Variants in PIGZ observed in about 807,000 individuals in gnomAD.
PIGZ encodes the protein GPI alpha-1,2-mannosyltransferase 4.
PIGZ carries 16 observed loss-of-function variants against 16.4 expected under a neutral mutation model. The observed-to-expected ratio is 0.97, with a 90% CI of 0.66 to 1.48. The LOEUF (loss-of-function observed/expected upper bound fraction) is 1.48. Ranked by LOEUF, PIGZ falls within the 40% of genes most tolerant of loss-of-function variation. PIGZ has a pLI of 0.00. For synonymous variants in PIGZ, 409 were observed against 338.4 expected (o/e 1.21, Z -2.29); for missense variants, 770 against 739.2 (o/e 1.04, Z -0.48).
chr3:196,948,857 CCCTTCCTTCCCTTCCTT>C (rs1717077284), intron 2 of PIGZ, among the ~76,000 whole-genome samples, 172 bp from the exon 3 acceptor site: 1 of 118,848 alleles, frequency 8.4e-6, no homozygotes, highest in African/African-American at 3.6e-5. Flanking sequence ...CTCCTTCTTT[CCCTTCCTTCCCTTCCTT>C]CCTTCCCTTC....
chr3:196,953,897 A>G (rs1407690945), intron 1 of PIGZ, among the ~76,000 whole-genome samples: 1 of 151,770 alleles, frequency 6.6e-6, no homozygotes, highest in African/African-American at 2.4e-5. Context: ...GGAGGCTGAG[A>G]CAAGAGGATC....
chr3:196,967,934 C>G (rs1442818510), intron 1 of PIGZ, among the ~76,000 whole-genome samples: 3 of 152,154 alleles, frequency 2.0e-5, no homozygotes, highest in Non-Finnish European at 4.4e-5. Flanking sequence ...GGGGTGTTGA[C>G]GATTTTGAAA....
chr3:196,958,117 T>C (rs1376107502), intron 1 of PIGZ, among the ~76,000 whole-genome samples: 4 of 152,266 alleles, frequency 2.6e-5, no homozygotes, highest in Admixed American at 1.3e-4. Context: ...ATTACTTACA[T>C]TTTCTTCGGC....
rs558133263 is a variant in PIGZ at position 196,950,695 on chromosome 3, A to G, written c.211+1126T>C. Among the ~76,000 whole-genome samples, 122 of 152,340 alleles carry G rather than the reference A, an allele frequency of 8.0e-4. 2 individuals are homozygous for G. The highest frequency in any genetic ancestry group is 2.7e-3 in the African/African-American group (112 of 41,576). On this transcript the variant is annotated intron_variant, in intron 2 of 2. Coordinates refer to ENST00000412723, the MANE Select transcript of PIGZ (RefSeq NM_025163.4). ...AAATTCACCTGTTGAGCCCTGTGGC[A>G]AAGAAAGCTGATGCCTCCAAAATAT...
rs577854733 is a variant in PIGZ at position 196,965,367 on chromosome 3, A to G, written c.-1+3320T>C. ...CAGATCTCATGAGAACTCCCTAACTATCCGAAGAACAGCGTGGGGGAAACC... is the reference window on the plus strand; with the variant it reads ...CAGATCTCATGAGAACTCCCTAACTGTCCGAAGAACAGCGTGGGGGAAACC... On this transcript the variant is annotated intron_variant, in intron 1 of 2. Coordinates refer to ENST00000412723, the MANE Select transcript of PIGZ (RefSeq NM_025163.4). The surrounding 1 kb of genome is among the most constrained non-coding windows in gnomAD (Gnocchi z 4.2). 7.6e-4 allele frequency among the ~76,000 whole-genome samples: 116 copies of G among 152,208 alleles called. No individual in the cohort carries two copies. Among genetic ancestry groups the G allele is most frequent in the African/African-American group, 2.7e-3 (112 of 41,518 alleles).
At chr3:196,952,108 ATC>A in intron 1 of PIGZ, 77 bp from the exon 2 acceptor site, 2 of 1,315,586 alleles carry the variant, frequency 1.5e-6, no homozygotes, top group Non-Finnish European at 2.1e-6. Context: ...CTGAAAATGG[ATC>A]TGTCATTTAA....
Position 196,947,288 on chromosome 3 carries a change from G to T in PIGZ, c.1609C>A (p.Pro537Thr), listed in dbSNP as rs770551338. 1 of 1,614,164 alleles carries T rather than the reference G, an allele frequency of 6.2e-7. No individual in the cohort carries two copies. Among genetic ancestry groups the T allele is most frequent in the Non-Finnish European group, 8.5e-7 (1 of 1,180,016 alleles). ...AATAAAAGTGTTTCATTCTTGAAGG[G>T]GAAGCTGCACTTCTCCACGGCACGC... ...TRRAVEKCSFPFKNETLLFPH... is the reference protein window; with the variant it reads ...TRRAVEKCSFTFKNETLLFPH... Residue 537 changes from proline (P) to threonine (T), a missense_variant, in exon 3 of 3, where the codon CCC becomes ACC. Coordinates refer to ENST00000412723, the MANE Select transcript of PIGZ (RefSeq NM_025163.4).
At chr3:196,949,071 G>A (rs4916450) in intron 2 of PIGZ, among the ~76,000 whole-genome samples, 7,620 of 88,338 alleles carry the variant, frequency 0.086, 991 homozygotes, top group Middle Eastern at 0.18. Context: ...CCCTTCCTTC[G>A]CTTCGTTCAT....
chr3:196,951,749 C>T (rs1236773019), intron 2 of PIGZ, 72 bp downstream of exon 2: 1 of 1,471,300 alleles, frequency 6.8e-7, no homozygotes, highest in Non-Finnish European at 9.4e-7. Context: ...ACTCCCTCCC[C>T]ACAAAGTCTC....
At chr3:196,963,599 C>A (rs541974297) in intron 1 of PIGZ, among the ~76,000 whole-genome samples, 6 of 152,252 alleles carry the variant, frequency 3.9e-5, no homozygotes, top group Non-Finnish European at 8.8e-5. Flanking sequence ...AACAGAACTG[C>A]ATCAAATACA....
rs781303188 is a variant in PIGZ, at chr3:196,948,683, C to G, written c.214G>C (p.Asp72His). 15 of 1,449,020 alleles carry G rather than the reference C, an allele frequency of 1.0e-5. No individual in the cohort carries two copies. The highest frequency in any genetic ancestry group is 1.0e-5 in the Non-Finnish European group (11 of 1,103,362). The allele number at this position is 1,449,020 out of a possible 1,614,324, so 89.8% of individuals were successfully genotyped here. A position where few individuals can be genotyped will look rare whatever the true frequency, so the allele number is the denominator to read the frequency against. The part of the protein sequence containing the change: ...FFQSPEVMAE[D>H]ILGVQAARPW... ...CGCGCGGCCTGAACGCCCAGGATGT[C>G]CTCTGCAGAGAGAGGCAGAGGTGAG... The change falls in exon 3 of 3, where the codon GAC becomes CAC. Residue 72 changes from aspartate to histidine, a missense_variant and splice_region_variant. Transcript: ENST00000412723.
chr3:196,954,072 C>T (rs571182769), intron 1 of PIGZ, among the ~76,000 whole-genome samples: 58 of 152,012 alleles, frequency 3.8e-4, no homozygotes, highest in Admixed American at 9.8e-4. Flanking sequence ...TGCTTTAAGT[C>T]AGGAGTTTGA....
chr3:196,947,727 C>G lies in PIGZ; in HGVS notation c.1170G>C (p.Arg390=). 1 of 1,613,000 alleles carries G rather than the reference C, an allele frequency of 6.2e-7. No homozygotes were observed. Among genetic ancestry groups the G allele is most frequent in the Non-Finnish European group, 8.5e-7 (1 of 1,179,508 alleles). The change falls in exon 3 of 3, where the codon CGG becomes CGC. Residue 390 remains arginine (R), a synonymous_variant. Transcript: ENST00000412723. ...GGGGGACCAGGAGGGGAATCAGGAA[C>G]CGAGCCTCCTGGTGGCTAAAGGCAG... The part of the protein sequence containing the change: ...LLSAFSHQEA[R]FLIPLLVPLV...
Position 196,948,122 on chromosome 3 carries a change from G to A in PIGZ, c.775C>T (p.Leu259=), listed in dbSNP as rs1055388264. Residue 259 remains leucine (L), a synonymous_variant, in exon 3 of 3, where the codon CTG becomes TTG. Transcript: ENST00000412723. The part of the protein sequence containing the change: ...PGLKSLTREA[L]VLLPGAALTA... ...AGGGCTGCCCCAGGGAGCAGCACCA[G>A]GGCCTCCCGGGTCAGAGACTTCAAA... is the stretch of plus-strand genomic sequence containing the variant. 6.2e-7 allele frequency: 1 copy of A among 1,601,868 alleles called. No individual in the cohort carries two copies. The highest frequency in any genetic ancestry group is 1.3e-5 in the African/African-American group (1 of 74,644).
At chr3:196,957,168 G>T (rs1484951374) in intron 1 of PIGZ, among the ~76,000 whole-genome samples, 1 of 114,980 alleles carries the variant, frequency 8.7e-6, no homozygotes, top group South Asian at 2.7e-4. Context: ...TTGGCTCCAG[G>T]TTTTGTGTGT....
chr3:196,955,480 T>C (rs1175346416), intron 1 of PIGZ, among the ~76,000 whole-genome samples: 3 of 152,052 alleles, frequency 2.0e-5, no homozygotes, highest in Non-Finnish European at 4.4e-5. Context: ...CTAAAATATA[T>C]TTTTTCTGAT....
chr3:196,948,055 G>A lies in PIGZ; in HGVS notation c.842C>T (p.Ser281Phe). 1 of 1,589,104 alleles carries A rather than the reference G, an allele frequency of 6.3e-7. No individual in the cohort carries two copies. Among genetic ancestry groups the A allele is most frequent in the Non-Finnish European group, 8.6e-7 (1 of 1,164,732 alleles). Residue 281 changes from serine (S) to phenylalanine (F), a missense_variant, in exon 3 of 3, where the codon TCC becomes TTC. Ser to Phe is a radical substitution (Grantham distance 155). Transcript: ENST00000412723. ...VFVATDSWYF[S>F]SPATSRNLVL... The stretch of plus-strand genomic sequence containing the variant: ...AAGGTTCCTGGATGTAGCGGGGCTG[G>A]AGAAATACCAGCTGTCCGTGGCCAC...
Position 196,956,465 on chromosome 3 carries a change from C to T in PIGZ, c.1-4434G>A, listed in dbSNP as rs898460989. 2.0e-5 allele frequency among the ~76,000 whole-genome samples: 3 copies of T among 152,310 alleles called. 1 individual carries two copies. In the South Asian group the frequency reaches 6.2e-4, roughly 32 times the overall value. On this transcript the variant is annotated intron_variant, in intron 1 of 2. Coordinates refer to ENST00000412723, the MANE Select transcript of PIGZ (RefSeq NM_025163.4). Reference sequence around the variant, plus strand: ...AGATCTCGTGAGACCTATTCACTACCACAAGAACAGTATGAGGGAAACCAC... The same window carrying T: ...AGATCTCGTGAGACCTATTCACTACTACAAGAACAGTATGAGGGAAACCAC...
intron 2 of PIGZ, 47 bp from the exon 3 acceptor site, chr3:196,948,732 G>T (rs1194933998): frequency 7.2e-7 from 1 of 1,391,984 alleles, no homozygotes; most frequent in Admixed American, 2.9e-5. Context: ...CAGGGATGTA[G>T]TGGGCAAAAT....
Sources: allele counts gnomAD v4.1 joint callset (sites outside exome capture counted in the v4.1 genomes callset), GRCh38; gene constraint gnomAD v4.1.1; non-coding constraint Gnocchi (gnomAD v3.1); transcripts MANE v1.5; gene names NCBI Gene and HGNC (gene_info 2026-07-23, HGNC 2026-07-21).